Variants in EXT1 observed in about 807,000 individuals in gnomAD.
EXT1 encodes exostosin glycosyltransferase 1.
In EXT1, 20 loss-of-function variants were observed where a neutral mutation model predicts 82.5. The observed-to-expected ratio is 0.24, with a 90% CI of 0.17 to 0.35. EXT1 has a LOEUF of 0.35. Ranked by LOEUF, EXT1 falls within the 10% of genes least tolerant of loss-of-function variation. The probability of loss-of-function intolerance (pLI) is 1.00; values close to 1 mark genes in which losing one functional copy is unlikely to be tolerated. For synonymous variants in EXT1, 348 were observed against 350.8 expected, an observed-to-expected ratio of 0.99 and a Z score of 0.09; for missense variants, 757 against 936.5, an observed-to-expected ratio of 0.81 and a Z score of 2.50.
At chr8:117,812,100 G>A (rs1563875064) in intron 8 of EXT1, among the ~76,000 whole-genome samples, 1 of 152,102 alleles carries the variant, frequency 6.6e-6, no homozygotes, top group South Asian at 2.1e-4. Flanking sequence ...GGGGAAAGGT[G>A]TAAGTAGTTA....
Position 117,794,495 on chromosome 8 carries a change from AG to A in EXT1, c.*5216del, listed in dbSNP as rs759010084. On this transcript the variant is annotated 3_prime_UTR_variant, in exon 11 of 11. Coordinates refer to ENST00000378204, the MANE Select transcript of EXT1 (RefSeq NM_000127.3). Reference sequence around the variant, plus strand: ...TGGAATGAAAACCACACAGATGAAAAGTCATGTCATTTATTAATAATTTCTT... The same window carrying A: ...TGGAATGAAAACCACACAGATGAAAATCATGTCATTTATTAATAATTTCTT... 6.6e-6 allele frequency: 1 copy of A among 152,202 alleles called. No homozygotes were observed. The highest frequency in any genetic ancestry group is 1.5e-5 in the Non-Finnish European group (1 of 68,040). 9.4% of individuals were successfully genotyped at this position (152,202 alleles called of 1,614,324 possible).
chr8:118,058,369 G>A (rs538262260), intron 1 of EXT1, among the ~76,000 whole-genome samples: 88 of 152,308 alleles, frequency 5.8e-4, no homozygotes, highest in Non-Finnish European at 1.0e-3. Context: ...TTGGCAAAGA[G>A]TGCAAAATTA....
At chr8:117,820,907 T>C (rs1473626004) in intron 5 of EXT1, among the ~76,000 whole-genome samples, 1 of 152,194 alleles carries the variant, frequency 6.6e-6, no homozygotes, top group Non-Finnish European at 1.5e-5. Context: ...TTTTGCCAGT[T>C]GTGAGCTCTG....
intron 1 of EXT1, among the ~76,000 whole-genome samples, chr8:118,053,540 A>C (rs1420917607): frequency 2.0e-5 from 3 of 152,234 alleles, no homozygotes; most frequent in Admixed American, 1.3e-4. Flanking sequence ...GGTCTTTTCA[A>C]AAGATGGGTC....
chr8:117,822,649 G>A, intron 4 of EXT1, 52 bp from the exon 5 acceptor site: 1 of 1,602,140 alleles, frequency 6.2e-7, no homozygotes, highest in Non-Finnish European at 8.5e-7. Flanking sequence ...ATGATATTTG[G>A]AAAGGATGAT....
chr8:118,031,765 T>G (rs1816323214), intron 1 of EXT1, among the ~76,000 whole-genome samples: 1 of 151,886 alleles, frequency 6.6e-6, no homozygotes, highest in Non-Finnish European at 1.5e-5. Context: ...ATAGTAAGGG[T>G]CCATTCAACC....
intron 1 of EXT1, among the ~76,000 whole-genome samples, chr8:117,983,329 T>A (rs976515977): frequency 6.6e-6 from 1 of 151,926 alleles, no homozygotes; most frequent in Non-Finnish European, 1.5e-5. Context: ...ATAAAAAATA[T>A]TAAAGTTAGA....
At chr8:117,933,105 C>T (rs1814092256) in intron 1 of EXT1, among the ~76,000 whole-genome samples, 1 of 152,188 alleles carries the variant, frequency 6.6e-6, no homozygotes, top group African/African-American at 2.4e-5. Context: ...CTATGCTACA[C>T]TCACTTTTCG....
At chr8:117,841,038 C>A (rs1180077537) in intron 1 of EXT1, among the ~76,000 whole-genome samples, 1 of 152,184 alleles carries the variant, frequency 6.6e-6, no homozygotes, top group Non-Finnish European at 1.5e-5. Flanking sequence ...AATGGACTTA[C>A]CATATGACCC....
intron 1 of EXT1, among the ~76,000 whole-genome samples, chr8:117,964,601 G>A (rs1814767272): frequency 7.3e-6 from 1 of 137,748 alleles, no homozygotes. Flanking sequence ...AATTTTTGTG[G>A]GTTTTATGTC....
intron 1 of EXT1, among the ~76,000 whole-genome samples, chr8:117,877,452 AG>A (rs1168872533): frequency 6.6e-6 from 1 of 152,236 alleles, no homozygotes; most frequent in East Asian, 1.9e-4. Context: ...AGCTGAGGTG[AG>A]AAAAAAATAA....
intron 1 of EXT1, among the ~76,000 whole-genome samples, chr8:118,048,257 T>C (rs1388891862): frequency 6.6e-6 from 1 of 152,130 alleles, no homozygotes; most frequent in Non-Finnish European, 1.5e-5. Flanking sequence ...ATCAAACACC[T>C]AAATCAAGTG....
chr8:118,110,952 C>A lies in EXT1; in HGVS notation c.95G>T (p.Arg32Met). 1 of 1,613,096 alleles carries A rather than the reference C, an allele frequency of 6.2e-7. No individual in the cohort carries two copies. The highest frequency in any genetic ancestry group is 8.5e-7 in the Non-Finnish European group (1 of 1,180,036). ...YFGGLQFRAS[R>M]SHSRREEHSG... The stretch of plus-strand genomic sequence containing the variant: ...GTGTTCTTCTCTCCGGCTGTGGCTC[C>A]TCGATGCCCTAAACTGCAAGCCTCC... The change falls in exon 1 of 11, where the codon AGG becomes ATG. Residue 32 changes from arginine (R) to methionine (M), a missense_variant. Around this residue, in one of 4 missense-constraint regions of EXT1, gnomAD observed 175 missense variants for 159.0 expected, o/e 1.10. Coordinates refer to ENST00000378204, the MANE Select transcript of EXT1 (RefSeq NM_000127.3).
At chr8:117,849,211 T>C (rs1407700093) in intron 1 of EXT1, among the ~76,000 whole-genome samples, 1 of 152,210 alleles carries the variant, frequency 6.6e-6, no homozygotes. Flanking sequence ...GGCACTCTCT[T>C]TCTGTTGCCC....
intron 1 of EXT1, among the ~76,000 whole-genome samples, chr8:117,935,311 TTATC>T (rs1011723077): frequency 2.1e-5 from 3 of 144,370 alleles, no homozygotes; most frequent in Admixed American, 7.5e-5. Context: ...TCCTGGTTAG[TTATC>T]TATCACTTTT....
intron 1 of EXT1, among the ~76,000 whole-genome samples, chr8:118,061,155 C>G (rs768218296): frequency 3.9e-5 from 6 of 152,190 alleles, no homozygotes; most frequent in Admixed American, 2.0e-4. Flanking sequence ...TATTAGGGCA[C>G]CATAGTGAAG....
Position 118,058,828 on chromosome 8 carries a change from G to A in EXT1, c.962+51257C>T, listed in dbSNP as rs181799913. ...TAACTGATTAACGAATGAATGGACT[G>A]ATTGATTGATTGGCAGACAGGCAGG... On this transcript the variant is annotated intron_variant, in intron 1 of 10. Transcript: ENST00000378204. Among the ~76,000 whole-genome samples, 13 of 152,280 alleles carry A rather than the reference G, an allele frequency of 8.5e-5. No individual in the cohort carries two copies. The East Asian group carries it at 2.5e-3, about 29-fold the overall frequency.
intron 1 of EXT1, among the ~76,000 whole-genome samples, chr8:117,955,275 C>T (rs1744438276): frequency 6.6e-6 from 1 of 152,162 alleles, no homozygotes; most frequent in Non-Finnish European, 1.5e-5. Context: ...GGGGTTTCAT[C>T]ACATAGGCAT....
intron 1 of EXT1, among the ~76,000 whole-genome samples, chr8:117,961,360 T>C (rs539150564): frequency 3.9e-4 from 59 of 152,264 alleles, no homozygotes; most frequent in African/African-American, 1.3e-3. Flanking sequence ...AGCATAAAGA[T>C]TGGGGGACAG....
Sources: allele counts gnomAD v4.1 joint callset (sites outside exome capture counted in the v4.1 genomes callset), GRCh38; gene constraint gnomAD v4.1.1; regional missense constraint gnomAD v4.1.1; transcripts MANE v1.5; gene names NCBI Gene and HGNC (gene_info 2026-07-23, HGNC 2026-07-21).